The following THSD7A variants were observed in gnomAD, a reference collection of about 807,000 sequenced individuals.
THSD7A encodes the protein thrombospondin type 1 domain containing 7A.
THSD7A carries 96 observed loss-of-function variants against 231.3 expected under a neutral mutation model. That is an observed-to-expected ratio of 0.41 (90% confidence interval 0.35 to 0.49). The LOEUF (loss-of-function observed/expected upper bound fraction) is 0.49, where lower values mean the gene tolerates loss of function less well. Ranked by LOEUF, THSD7A falls within the 20% of genes least tolerant of loss-of-function variation. The probability of loss-of-function intolerance (pLI) is 0.05; values close to 1 mark genes in which losing one functional copy is unlikely to be tolerated. For missense variants in THSD7A, 2,290 were observed against 2,070.2 expected (o/e 1.11, Z -2.06); for synonymous variants, 940 against 743.3 (o/e 1.26, Z -4.30).
At chr7:11,478,469 A>T (rs958336150) in intron 7 of THSD7A, among the ~76,000 whole-genome samples, 1 of 152,052 alleles carries the variant, frequency 6.6e-6, no homozygotes, top group Non-Finnish European at 1.5e-5. Context: ...CCCACTCTAG[A>T]TCACCAACAG....
intron 13 of THSD7A, among the ~76,000 whole-genome samples, chr7:11,442,030 AC>A (rs1166444711): frequency 6.6e-6 from 1 of 152,058 alleles, no homozygotes; most frequent in Non-Finnish European, 1.5e-5. Context: ...CTATAGTGAC[AC>A]CTTCCAATAT....
intron 11 of THSD7A, among the ~76,000 whole-genome samples, chr7:11,448,044 T>C (rs1785029205): frequency 6.6e-6 from 1 of 152,110 alleles, no homozygotes; most frequent in Non-Finnish European, 1.5e-5. Flanking sequence ...GGATAAGCAA[T>C]GTCAAAGTCC....
At chr7:11,586,783 C>T (rs1397049074) in intron 4 of THSD7A, among the ~76,000 whole-genome samples, 1 of 152,050 alleles carries the variant, frequency 6.6e-6, no homozygotes, top group African/African-American at 2.4e-5. Context: ...ACTTACCTTT[C>T]CGTCTATCCA....
At chr7:11,668,648 C>T (rs961666696) in intron 1 of THSD7A, among the ~76,000 whole-genome samples, 7 of 151,954 alleles carry the variant, frequency 4.6e-5, no homozygotes, top group African/African-American at 1.2e-4. Context: ...ATGTATAAGA[C>T]ACAACTAGGG....
intron 1 of THSD7A, among the ~76,000 whole-genome samples, chr7:11,788,430 C>T (rs569364075): frequency 1.3e-4 from 19 of 151,956 alleles, no homozygotes; most frequent in Non-Finnish European, 2.6e-4. Flanking sequence ...CTGAGCATTT[C>T]CCCCCAATCC....
chr7:11,693,721 T>G (rs1041761036), intron 1 of THSD7A, among the ~76,000 whole-genome samples: 1 of 151,500 alleles, frequency 6.6e-6, no homozygotes, highest in Non-Finnish European at 1.5e-5. Context: ...AATCATAGTG[T>G]CACTGCTGGA....
intron 6 of THSD7A, among the ~76,000 whole-genome samples, chr7:11,484,386 G>C (rs1786559085): frequency 6.6e-6 from 1 of 151,912 alleles, no homozygotes; most frequent in South Asian, 2.1e-4. Context: ...GAAAATTTCA[G>C]GTCTTACACA....
intron 6 of THSD7A, among the ~76,000 whole-genome samples, chr7:11,531,538 A>G (rs932936257): frequency 6.6e-6 from 1 of 152,026 alleles, no homozygotes; most frequent in African/African-American, 2.4e-5. Flanking sequence ...AGCATTTTCT[A>G]CCTCTGGGTC....
chr7:11,518,618 C>CACAG (rs921107695), intron 6 of THSD7A, among the ~76,000 whole-genome samples: 1 of 151,828 alleles, frequency 6.6e-6, no homozygotes, highest in Non-Finnish European at 1.5e-5. Flanking sequence ...CACACACACA[C>CACAG]ACGCACACAC....
chr7:11,406,836 T>A lies in THSD7A; in HGVS notation c.4062+74A>T. On this transcript the variant is annotated intron_variant, in intron 21 of 27. Transcript: ENST00000423059. This position sits in a 1 kb window ranked among gnomAD's most constrained non-coding sequence, Gnocchi z 4.7. ...CTGAAACATATTTCTAACACATTAT[T>A]TTTATGTTTTTCTGCAGATGAAGTC... is the stretch of plus-strand genomic sequence containing the variant. 1.3e-6 allele frequency: 2 copies of A among 1,516,440 alleles called. No individual in the cohort carries two copies. Among genetic ancestry groups the A allele is most frequent in the Non-Finnish European group, 1.8e-6 (2 of 1,119,232 alleles). 93.9% of individuals were successfully genotyped at this position (1,516,440 alleles called of 1,614,324 possible).
intron 11 of THSD7A, 111 bp from the exon 12 acceptor site, chr7:11,447,535 C>G (rs996735596): frequency 1.2e-6 from 1 of 856,804 alleles, no homozygotes; most frequent in Non-Finnish European, 1.7e-6. Context: ...TCTTGTAGTT[C>G]CTTACTTACA....
chr7:11,583,257 A>G (rs1584025072), intron 4 of THSD7A, among the ~76,000 whole-genome samples: 2 of 151,806 alleles, frequency 1.3e-5, no homozygotes, highest in African/African-American at 4.8e-5. Flanking sequence ...ATAAGTTTTT[A>G]GCATTTTATG....
chr7:11,541,472 T>C lies in THSD7A; in HGVS notation c.1769A>G (p.Lys590Arg), dbSNP rs1283103767. ...AACTTGCGTGCCTGGACCACACTCC[T>C]TTCCGTTATCTGGCTCGCAGTTTCC... ...RLGNCEPDNG[K>R]ECGPGTQVQE... The change falls in exon 6 of 28, where the codon AAG becomes AGG. Residue 590 changes from lysine to arginine, a missense_variant. By Grantham distance (26) the Lys-to-Arg change is conservative. Transcript: ENST00000423059. The C allele has an allele frequency of 6.2e-7, 1 of 1,613,874 alleles. No individual in the cohort carries two copies. The highest frequency in any genetic ancestry group is 2.2e-5 in the East Asian group (1 of 44,890).
chr7:11,460,729 G>A lies in THSD7A; in HGVS notation c.2538C>T (p.Val846=), dbSNP rs1264386179. 1.9e-6 allele frequency: 3 copies of A among 1,612,692 alleles called. No individual in the cohort carries two copies. The South Asian group carries it at 3.3e-5, about 18-fold the overall frequency. Residue 846 remains valine, a synonymous_variant, in exon 11 of 28, where the codon GTC becomes GTT. Transcript: ENST00000423059. ...KTHKWRRCQL[V]PWSVQQDSPG... ...GGCTGTCTTGTTGCACGCTCCAAGG[G>A]ACTAATTGGCATCTGCGCCATTTGT...
chr7:11,635,517 A>G (rs1781802805), intron 2 of THSD7A, among the ~76,000 whole-genome samples: 1 of 152,208 alleles, frequency 6.6e-6, no homozygotes, highest in African/African-American at 2.4e-5. Flanking sequence ...TCTGTCTAGA[A>G]AATGAAGCTA....
chr7:11,779,452 G>T (rs1783552058), intron 1 of THSD7A, among the ~76,000 whole-genome samples: 2 of 151,992 alleles, frequency 1.3e-5, no homozygotes, highest in African/African-American at 4.8e-5. Flanking sequence ...CTCTTTGTCT[G>T]ACATATCAAG....
At chr7:11,736,451 C>T (rs1781914438) in intron 1 of THSD7A, among the ~76,000 whole-genome samples, 1 of 143,522 alleles carries the variant, frequency 7.0e-6, no homozygotes, top group South Asian at 2.1e-4. Context: ...ACACAGCAGA[C>T]TCTGTGTGTG....
At chr7:11,554,200 C>G (rs187798667) in intron 4 of THSD7A, among the ~76,000 whole-genome samples, 4 of 151,924 alleles carry the variant, frequency 2.6e-5, no homozygotes, top group East Asian at 1.9e-4. Flanking sequence ...AGAAATAAGG[C>G]CTTTGCAAAC....
At chr7:11,439,728 T>A (rs1277430376) in intron 13 of THSD7A, among the ~76,000 whole-genome samples, 2 of 151,898 alleles carry the variant, frequency 1.3e-5, no homozygotes, top group Non-Finnish European at 2.9e-5. Flanking sequence ...CTGAGCAAGG[T>A]GAGGAAGCTA....
Sources: gnomAD v4.1 joint callset for allele counts (sites outside exome capture counted in the v4.1 genomes callset) on GRCh38, gnomAD v4.1.1 for gene constraint, Gnocchi (gnomAD v3.1) non-coding constraint, MANE v1.5 for transcripts, NCBI Gene and HGNC (gene_info 2026-07-23, HGNC 2026-07-21) for gene names.